The following ST3GAL1 variants were observed in gnomAD, a reference collection of about 807,000 sequenced individuals.
ST3GAL1 encodes CMP-N-acetylneuraminate-beta-galactosamide-alpha-2,3-sialyltransferase 1.
Under a neutral mutation model 34.1 loss-of-function variants are expected in ST3GAL1, and 16 were observed. The ratio of observed to expected loss-of-function variants is 0.47; its 90% CI spans 0.32 to 0.71. ST3GAL1 has a LOEUF of 0.71. Ranked by LOEUF, ST3GAL1 falls within the 30% of genes least tolerant of loss-of-function variation. The probability of loss-of-function intolerance (pLI) is 0.04; values close to 1 mark genes in which losing one functional copy is unlikely to be tolerated. For missense variants in ST3GAL1, 353 were observed against 447.4 expected (o/e 0.79, Z 1.90); for synonymous variants, 191 against 184.7 (o/e 1.03, Z -0.28).
chr8:133,566,204 C>A (rs544087225), intron 1 of ST3GAL1, among the ~76,000 whole-genome samples: 1 of 152,266 alleles, frequency 6.6e-6, no homozygotes, highest in African/African-American at 2.4e-5. Flanking sequence ...ACAAAGAAGC[C>A]AAAAGTTTGA....
At chr8:133,500,731 A>G (rs1817123408) in intron 2 of ST3GAL1, among the ~76,000 whole-genome samples, 1 of 152,194 alleles carries the variant, frequency 6.6e-6, no homozygotes, top group African/African-American at 2.4e-5. Context: ...ATGAATATGA[A>G]GTGCGTAAAG....
chr8:133,512,100 C>G (rs112038063), intron 2 of ST3GAL1, among the ~76,000 whole-genome samples: 4 of 152,204 alleles, frequency 2.6e-5, no homozygotes, highest in African/African-American at 9.6e-5. Context: ...CACACCATCA[C>G]AAGGTAAAGT....
chr8:133,491,229 ATCT>A (rs1450994194), intron 3 of ST3GAL1, among the ~76,000 whole-genome samples: 19 of 152,222 alleles, frequency 1.2e-4, no homozygotes, highest in South Asian at 4.2e-4. Context: ...AAATCCACAA[ATCT>A]TCTTATGTGT....
intron 1 of ST3GAL1, among the ~76,000 whole-genome samples, chr8:133,564,677 C>G: frequency 6.6e-6 from 1 of 152,220 alleles, no homozygotes; most frequent in East Asian, 1.9e-4. Flanking sequence ...TGAAGTACCA[C>G]TCACACCCAC....
At chr8:133,491,843 T>C (rs577741024) in intron 3 of ST3GAL1, among the ~76,000 whole-genome samples, 10 of 152,104 alleles carry the variant, frequency 6.6e-5, no homozygotes, top group African/African-American at 2.4e-4. Flanking sequence ...GATCACAGGA[T>C]TAAACTGCCC....
At chr8:133,530,293 T>A (rs1166435975) in intron 2 of ST3GAL1, among the ~76,000 whole-genome samples, 1 of 151,822 alleles carries the variant, frequency 6.6e-6, no homozygotes, top group Non-Finnish European at 1.5e-5. Context: ...TTTATTTTTT[T>A]TTTTTGAGAC....
intron 3 of ST3GAL1, among the ~76,000 whole-genome samples, chr8:133,494,913 C>CTT (rs34975583): frequency 0.16 from 16,001 of 100,586 alleles, 1,656 homozygotes; most frequent in East Asian, 0.43. Flanking sequence ...TTCCTCTATT[C>CTT]TTTTTTTTTT....
At chr8:133,515,021 T>C (rs372770051) in intron 2 of ST3GAL1, among the ~76,000 whole-genome samples, 1 of 152,162 alleles carries the variant, frequency 6.6e-6, no homozygotes, top group East Asian at 1.9e-4. Flanking sequence ...ACAGCCCAGA[T>C]GACCTGCCCC....
chr8:133,553,794 G>A (rs796202047), intron 1 of ST3GAL1, among the ~76,000 whole-genome samples: 23 of 152,284 alleles, frequency 1.5e-4, no homozygotes, highest in African/African-American at 5.5e-4. Context: ...GCCACCTTTG[G>A]GAATCTATCT....
At chr8:133,527,788 C>T (rs1347266494) in intron 2 of ST3GAL1, among the ~76,000 whole-genome samples, 1 of 152,118 alleles carries the variant, frequency 6.6e-6, no homozygotes, top group African/African-American at 2.4e-5. Flanking sequence ...CTCCACCTAC[C>T]CCAGCTCGCA....
Position 133,525,285 on chromosome 8 carries a change from C to G in ST3GAL1, c.-429+20489G>C, listed in dbSNP as rs141162689. 1.5e-3 allele frequency among the ~76,000 whole-genome samples: 229 copies of G among 152,340 alleles called. 3 individuals are homozygous for G. The highest frequency in any genetic ancestry group is 2.1e-3 in the East Asian group (11 of 5,186). On this transcript the variant is annotated intron_variant, in intron 2 of 9. Transcript: ENST00000522652. The stretch of plus-strand genomic sequence containing the variant: ...CTGCAGTTAGGTCATCCCAAAGAGT[C>G]AAGGAGACCCAGAGTGGGTAGCTCC...
intron 2 of ST3GAL1, among the ~76,000 whole-genome samples, chr8:133,541,999 A>C (rs747007651): frequency 1.3e-5 from 2 of 152,216 alleles, no homozygotes; most frequent in Non-Finnish European, 2.9e-5. Context: ...TTTAATAGAT[A>C]GATAGGTCAA....
At chr8:133,565,568 C>T (rs1032718842) in intron 1 of ST3GAL1, among the ~76,000 whole-genome samples, 3 of 152,122 alleles carry the variant, frequency 2.0e-5, no homozygotes, top group Admixed American at 1.3e-4. Context: ...TTATTCAGAC[C>T]CTCCATTCAA....
At position 133,541,120 on chromosome 8, in the gene ST3GAL1, T is replaced by TATAGAGAGAG. The variant is rs71299078; in HGVS notation, c.-429+4653_-429+4654insCTCTCTCTAT. Among the ~76,000 whole-genome samples, 47 of 48,632 alleles carry TATAGAGAGAG rather than the reference T, an allele frequency of 9.7e-4. 5 individuals carry two copies. Among genetic ancestry groups the TATAGAGAGAG allele is most frequent in the Middle Eastern group, 0.04 (2 of 50 alleles). The allele number at this position is 48,632 out of a possible 152,430, so 31.9% of individuals were successfully genotyped here. A position where few individuals can be genotyped will look rare whatever the true frequency, so the allele number is the denominator to read the frequency against. On this transcript the variant is annotated intron_variant, in intron 2 of 9. Coordinates refer to ENST00000522652, the MANE Select transcript of ST3GAL1 (RefSeq NM_173344.3). ...ACATATATATATATATATATATATATAGAGAGAGAGAGAGAGAGAGAGAGA... is the reference window on the plus strand; with the variant it reads ...ACATATATATATATATATATATATATATAGAGAGAGAGAGAGAGAGAGAGAGAGAGAGAGA...
chr8:133,536,340 T>C (rs1349394348), intron 2 of ST3GAL1, among the ~76,000 whole-genome samples: 1 of 152,192 alleles, frequency 6.6e-6, no homozygotes, highest in African/African-American at 2.4e-5. Context: ...CGGATGCCCT[T>C]CAGGAACAAA....
chr8:133,483,956 A>G (rs1013506257), intron 3 of ST3GAL1, among the ~76,000 whole-genome samples: 3 of 152,228 alleles, frequency 2.0e-5, no homozygotes, highest in Admixed American at 2.0e-4. Context: ...TTGGAAACGC[A>G]GATGCATTGT....
chr8:133,551,582 GAA>G (rs1377177248), intron 1 of ST3GAL1, among the ~76,000 whole-genome samples: 2 of 149,724 alleles, frequency 1.3e-5, no homozygotes, highest in South Asian at 2.1e-4. Context: ...AAGAAAGAAA[GAA>G]AGAAAGAAAG....
chr8:133,498,518 C>T (rs1248777879), intron 3 of ST3GAL1, among the ~76,000 whole-genome samples: 2 of 151,710 alleles, frequency 1.3e-5, no homozygotes, highest in African/African-American at 2.4e-5. Flanking sequence ...TTTTTTTTCT[C>T]TAGCTGAGCT....
intron 2 of ST3GAL1, among the ~76,000 whole-genome samples, chr8:133,520,686 G>A (rs1037494008): frequency 1.3e-5 from 2 of 151,820 alleles, no homozygotes; most frequent in Admixed American, 6.6e-5. Flanking sequence ...TACTGCATAC[G>A]TAATTCCCCT....
Sources: gnomAD v4.1 joint callset for allele counts (sites outside exome capture counted in the v4.1 genomes callset) on GRCh38, gnomAD v4.1.1 for gene constraint, MANE v1.5 for transcripts, NCBI Gene and HGNC (gene_info 2026-07-23, HGNC 2026-07-21) for gene names.